ROCK1: variants seen among roughly 807,000 people sequenced by gnomAD.
ROCK1 encodes Rho associated coiled-coil containing protein kinase 1, also known as rho-associated protein kinase 1.
A neutral mutation model predicts 196.8 loss-of-function variants in ROCK1; 36 were observed. That is an observed-to-expected ratio of 0.18 (90% CI 0.14 to 0.24). The LOEUF (loss-of-function observed/expected upper bound fraction) is 0.24, where lower values mean the gene tolerates loss of function less well. ROCK1 is among the 10% of genes least tolerant of loss of function. ROCK1 has a pLI of 1.00. For synonymous variants in ROCK1, 443 were observed against 515.9 expected, an observed-to-expected ratio of 0.86 and a Z score of 1.91; for missense variants, 920 against 1,562.0, an observed-to-expected ratio of 0.59 and a Z score of 6.93.
At chr18:20,985,986 G>A (rs374535869) in intron 19 of ROCK1, among the ~76,000 whole-genome samples, 2 of 152,186 alleles carry the variant, frequency 1.3e-5, no homozygotes, top group African/African-American at 4.8e-5. Context: ...AGCCTCCTGA[G>A]TAGCTGGAAC....
At chr18:20,990,574 A>ATCCCAGCTAC (rs2035615594) in intron 18 of ROCK1, among the ~76,000 whole-genome samples, 1 of 150,648 alleles carries the variant, frequency 6.6e-6, no homozygotes, top group Non-Finnish European at 1.5e-5. Flanking sequence ...GGTGCCTGTA[A>ATCCCAGCTAC]TCCCAGCTAC....
At chr18:21,078,567 T>C (rs950054381) in intron 1 of ROCK1, among the ~76,000 whole-genome samples, 10 of 152,138 alleles carry the variant, frequency 6.6e-5, no homozygotes, top group African/African-American at 2.2e-4. Flanking sequence ...GACCCATCAG[T>C]CCTGCTGGAC....
intron 2 of ROCK1, among the ~76,000 whole-genome samples, chr18:21,055,649 A>G (rs1284718638): frequency 6.6e-6 from 1 of 151,964 alleles, no homozygotes; most frequent in Non-Finnish European, 1.5e-5. Flanking sequence ...TTTCTCCTCT[A>G]TTACTAAGCT....
rs1053650656 is a variant in ROCK1 at position 20,947,485 on chromosome 18, C to T, written c.*3899G>A. 2.0e-5 allele frequency: 3 copies of T among 151,720 alleles called. No homozygotes were observed. The highest frequency in any genetic ancestry group is 7.3e-5 in the African/African-American group (3 of 41,264). 9.4% of individuals were successfully genotyped at this position (151,720 alleles called of 1,614,324 possible). On this transcript the variant is annotated 3_prime_UTR_variant, in exon 33 of 33. Transcript: ENST00000399799. ...GGCTTTATATATACATACTATCCAACCAGAAATTGATTTGAACAGTAAACA... is the reference window on the plus strand; with the variant it reads ...GGCTTTATATATACATACTATCCAATCAGAAATTGATTTGAACAGTAAACA...
At chr18:21,091,032 A>C (rs1295783234) in intron 1 of ROCK1, among the ~76,000 whole-genome samples, 3 of 141,474 alleles carry the variant, frequency 2.1e-5, no homozygotes, top group Non-Finnish European at 4.6e-5. Flanking sequence ...GGAACTGCAT[A>C]GATCTACTTA....
intron 18 of ROCK1, among the ~76,000 whole-genome samples, chr18:20,989,787 T>C (rs572495841): frequency 1.1e-4 from 17 of 152,218 alleles, no homozygotes; most frequent in South Asian, 6.2e-4. Flanking sequence ...ATAGGATAGA[T>C]TGACAAGAAA....
intron 22 of ROCK1, among the ~76,000 whole-genome samples, chr18:20,973,933 C>T (rs1233866907): frequency 6.6e-6 from 1 of 151,080 alleles, no homozygotes; most frequent in Non-Finnish European, 1.5e-5. Flanking sequence ...GGCGCCCGCC[C>T]GTAATTTTTT....
intron 16 of ROCK1, among the ~76,000 whole-genome samples, chr18:20,999,835 G>A (rs375574860): frequency 6.6e-6 from 1 of 151,982 alleles, no homozygotes; most frequent in East Asian, 1.9e-4. Context: ...CATGTTGCTC[G>A]GGGGGGTCTC....
chr18:21,010,508 T>C (rs1391578692), intron 13 of ROCK1, among the ~76,000 whole-genome samples: 3 of 152,344 alleles, frequency 2.0e-5, no homozygotes, highest in Admixed American at 1.3e-4. Context: ...CTCTGGGTTA[T>C]TTAGAAGTTT....
At chr18:20,998,214 A>C (rs1342149067) in intron 16 of ROCK1, among the ~76,000 whole-genome samples, 1 of 152,182 alleles carries the variant, frequency 6.6e-6, no homozygotes, top group African/African-American at 2.4e-5. Context: ...GGATTGATGA[A>C]GAAATTAAGA....
chr18:20,975,939 T>C (rs1170134870), intron 22 of ROCK1, among the ~76,000 whole-genome samples: 1 of 152,218 alleles, frequency 6.6e-6, no homozygotes, highest in African/African-American at 2.4e-5. Context: ...TCACTTTCTC[T>C]TTCTGGAAAT....
chr18:20,961,338 CAAT>C (rs1415691071), intron 27 of ROCK1, among the ~76,000 whole-genome samples: 1 of 152,134 alleles, frequency 6.6e-6, no homozygotes, highest in Non-Finnish European at 1.5e-5. Context: ...TAACAGTTAA[CAAT>C]AGGTAACATT....
chr18:20,967,408 A>G (rs776795973), intron 26 of ROCK1, among the ~76,000 whole-genome samples: 12 of 152,334 alleles, frequency 7.9e-5, no homozygotes, highest in Non-Finnish European at 1.5e-4. Flanking sequence ...TCAGAAAACC[A>G]TAACTGATGG....
chr18:21,006,450 TAGA>T lies in ROCK1; in HGVS notation c.1783_1785del (p.Ser595del). 1 of 1,613,746 alleles carries T rather than the reference TAGA, an allele frequency of 6.2e-7. No homozygotes were observed. The highest frequency in any genetic ancestry group is 8.5e-7 in the Non-Finnish European group (1 of 1,179,884). ...TAATAATCTTTGTCTGTTTGTGACT[TAGA>T]ATTCTCTAAAATTCGATTTCTCTCT... On this transcript the variant is annotated inframe_deletion, in exon 16 of 33. Transcript: ENST00000399799.
chr18:21,073,094 A>C (rs1348770321), intron 1 of ROCK1, among the ~76,000 whole-genome samples: 1 of 112,146 alleles, frequency 8.9e-6, no homozygotes, highest in African/African-American at 3.4e-5. Flanking sequence ...AAAAAAAAAA[A>C]AAAAACAAAA....
chr18:21,057,915 C>T (rs908568752), intron 2 of ROCK1, among the ~76,000 whole-genome samples: 4 of 152,058 alleles, frequency 2.6e-5, no homozygotes, highest in African/African-American at 9.7e-5. Flanking sequence ...AAATGAGATA[C>T]AATGTGGGAC....
chr18:21,024,146 A>G (rs1419580902), intron 10 of ROCK1, among the ~76,000 whole-genome samples: 1 of 152,206 alleles, frequency 6.6e-6, no homozygotes, highest in African/African-American at 2.4e-5. Context: ...CCTGCACCCA[A>G]CTATCCTTCA....
intron 6 of ROCK1, among the ~76,000 whole-genome samples, chr18:21,043,431 G>A (rs1598540820): frequency 6.6e-6 from 1 of 151,700 alleles, no homozygotes; most frequent in African/African-American, 2.4e-5. Flanking sequence ...AAGTTCTCAT[G>A]CAGTGTTTCC....
intron 12 of ROCK1, among the ~76,000 whole-genome samples, chr18:21,018,930 T>C (rs1166911438): frequency 6.6e-6 from 1 of 152,184 alleles, no homozygotes; most frequent in African/African-American, 2.4e-5. Flanking sequence ...AGTATTATGC[T>C]AGGTAATTTA....
Sources: gnomAD v4.1 joint callset for allele counts (sites outside exome capture counted in the v4.1 genomes callset) on GRCh38, gnomAD v4.1.1 for gene constraint, MANE v1.5 for transcripts, NCBI Gene and HGNC (gene_info 2026-07-23, HGNC 2026-07-21) for gene names.